Variants in NKAIN2 observed in about 807,000 individuals in gnomAD.
NKAIN2 encodes sodium/potassium transporting ATPase interacting 2, also known as sodium/potassium-transporting ATPase subunit beta-1-interacting protein 2.
NKAIN2 carries 14 observed loss-of-function variants against 32.6 expected under a neutral mutation model. That is an observed-to-expected ratio of 0.43 (90% confidence interval 0.28 to 0.67). NKAIN2 has a LOEUF of 0.67. NKAIN2 is among the 30% of genes least tolerant of loss of function. NKAIN2 has a pLI of 0.17. For synonymous variants in NKAIN2, 80 were observed against 87.2 expected (o/e 0.92, Z 0.46); for missense variants, 198 against 258.3 (o/e 0.77, Z 1.60).
intron 3 of NKAIN2, among the ~76,000 whole-genome samples, chr6:124,624,757 C>CTAT (rs1783240368): frequency 6.6e-6 from 1 of 152,086 alleles, no homozygotes; most frequent in Non-Finnish European, 1.5e-5. Context: ...TAACACAAGT[C>CTAT]TATTTGTGGT....
chr6:124,062,414 A>G (rs1582561064), intron 1 of NKAIN2, among the ~76,000 whole-genome samples: 1 of 151,998 alleles, frequency 6.6e-6, no homozygotes, highest in Admixed American at 6.6e-5. Context: ...AGCTGATTTC[A>G]GTTTTTGTTG....
At chr6:124,670,260 A>C (rs1279488478) in intron 4 of NKAIN2, among the ~76,000 whole-genome samples, 27 of 152,096 alleles carry the variant, frequency 1.8e-4, no homozygotes, top group Non-Finnish European at 1.5e-5. Flanking sequence ...TGTTGATGTT[A>C]AGTAACATTT....
chr6:124,031,272 T>C (rs1039605568), intron 1 of NKAIN2, among the ~76,000 whole-genome samples: 5 of 152,166 alleles, frequency 3.3e-5, no homozygotes, highest in African/African-American at 7.2e-5. Context: ...TATCATTTTT[T>C]ATTACGTCTA....
chr6:124,671,781 C>A (rs1773112819), intron 4 of NKAIN2, among the ~76,000 whole-genome samples: 2 of 151,922 alleles, frequency 1.3e-5, no homozygotes, highest in South Asian at 4.2e-4. Flanking sequence ...TCTCTTCGTT[C>A]TCTTAATGGC....
intron 4 of NKAIN2, among the ~76,000 whole-genome samples, chr6:124,754,072 C>T (rs964504010): frequency 9.9e-5 from 15 of 152,034 alleles, no homozygotes; most frequent in African/African-American, 1.4e-4. Context: ...ATTTTCAAAG[C>T]GCTTGTTGAA....
chr6:124,239,363 G>A (rs1214962162), intron 1 of NKAIN2, among the ~76,000 whole-genome samples: 2 of 151,894 alleles, frequency 1.3e-5, no homozygotes, highest in African/African-American at 2.4e-5. Flanking sequence ...AGCGATATTC[G>A]GGAGTTGAAT....
intron 3 of NKAIN2, among the ~76,000 whole-genome samples, chr6:124,506,762 CTAGT>C (rs1778500702): frequency 6.6e-6 from 1 of 152,162 alleles, no homozygotes; most frequent in African/African-American, 2.4e-5. Context: ...CCTACACTAG[CTAGT>C]TAGACTTCTT....
intron 4 of NKAIN2, among the ~76,000 whole-genome samples, chr6:124,760,494 A>G (rs1227073515): frequency 6.6e-6 from 1 of 151,944 alleles, no homozygotes; most frequent in African/African-American, 2.4e-5. Context: ...ATAAATTTAA[A>G]AAAAGCTTCC....
chr6:124,802,645 GC>G (rs1215452725), intron 5 of NKAIN2, among the ~76,000 whole-genome samples: 2 of 152,112 alleles, frequency 1.3e-5, no homozygotes, highest in East Asian at 3.8e-4. Flanking sequence ...CCCTTCATCT[GC>G]CACCTTCATT....
intron 3 of NKAIN2, among the ~76,000 whole-genome samples, chr6:124,511,644 C>A (rs1437330687): frequency 6.6e-6 from 1 of 152,070 alleles, no homozygotes; most frequent in African/African-American, 2.4e-5. Flanking sequence ...TACTTAAATG[C>A]TTAATAAGTC....
At chr6:124,478,177 C>T (rs943773479) in intron 3 of NKAIN2, among the ~76,000 whole-genome samples, 5 of 152,168 alleles carry the variant, frequency 3.3e-5, no homozygotes, top group African/African-American at 7.2e-5. Context: ...AACTATTAGA[C>T]GTTAAGTTGA....
At chr6:124,476,411 G>C (rs917001974) in intron 3 of NKAIN2, among the ~76,000 whole-genome samples, 10 of 19,544 alleles carry the variant, frequency 5.1e-4, no homozygotes, top group African/African-American at 1.6e-3. Context: ...GTGTGTGTGT[G>C]TGTGTGTGTG....
intron 4 of NKAIN2, among the ~76,000 whole-genome samples, chr6:124,663,819 A>G (rs1287362777): frequency 1.3e-5 from 2 of 152,226 alleles, no homozygotes; most frequent in Admixed American, 1.3e-4. Context: ...AAATTTTGTT[A>G]TAAATAATTA....
intron 1 of NKAIN2, among the ~76,000 whole-genome samples, chr6:124,126,503 A>G (rs1786171814): frequency 6.6e-6 from 1 of 152,176 alleles, no homozygotes; most frequent in Admixed American, 6.5e-5. Flanking sequence ...ACTTAACTCT[A>G]TCTACTATTG....
intron 1 of NKAIN2, among the ~76,000 whole-genome samples, chr6:123,930,638 A>T (rs1776212279): frequency 6.6e-6 from 1 of 152,228 alleles, no homozygotes; most frequent in Non-Finnish European, 1.5e-5. Flanking sequence ...ATTTAATAGT[A>T]TAACAAATCC....
intron 1 of NKAIN2, among the ~76,000 whole-genome samples, chr6:124,022,027 A>G (rs1410726752): frequency 6.6e-6 from 1 of 151,280 alleles, no homozygotes; most frequent in African/African-American, 2.4e-5. Flanking sequence ...TATATCTCCT[A>G]ATGCTATCCC....
chr6:123,872,193 G>A (rs936811871), intron 1 of NKAIN2, among the ~76,000 whole-genome samples: 1 of 152,174 alleles, frequency 6.6e-6, no homozygotes, highest in African/African-American at 2.4e-5. Context: ...GAGGATTCAA[G>A]TAAAAGCAAT....
chr6:124,183,232 G>C (rs1789538196), intron 1 of NKAIN2, among the ~76,000 whole-genome samples: 1 of 152,018 alleles, frequency 6.6e-6, no homozygotes. Context: ...GATATTGGAA[G>C]TTGCAGTTAT....
At chr6:124,245,143 A>G (rs552067569) in intron 1 of NKAIN2, among the ~76,000 whole-genome samples, 1 of 152,094 alleles carries the variant, frequency 6.6e-6, no homozygotes, top group East Asian at 1.9e-4. Flanking sequence ...CCCTAGTGAC[A>G]TTTTCCTATG....
Sources: allele counts gnomAD v4.1 joint callset (sites outside exome capture counted in the v4.1 genomes callset), GRCh38; gene constraint gnomAD v4.1.1; transcripts MANE v1.5; gene names NCBI Gene and HGNC (gene_info 2026-07-23, HGNC 2026-07-21).